Variants in OPALIN observed in about 807,000 individuals in gnomAD.
OPALIN encodes transmembrane protein 10.
In OPALIN, 15 loss-of-function variants were observed where a neutral mutation model predicts 17.8. The observed-to-expected ratio is 0.84, with a 90% CI of 0.56 to 1.29. The LOEUF (loss-of-function observed/expected upper bound fraction) is 1.29, where lower values mean the gene tolerates loss of function less well. Among genes scored for constraint, OPALIN ranks in the 50% most tolerant of loss-of-function variants. The pLI, the probability that OPALIN is intolerant of heterozygous loss-of-function variation, is 0.00. For synonymous variants in OPALIN, 62 were observed against 63.8 expected (o/e 0.97, Z 0.14); for missense variants, 170 against 176.0 (o/e 0.97, Z 0.19).
intron 1 of OPALIN, among the ~76,000 whole-genome samples, chr10:96,356,276 A>G (rs1361718389): frequency 6.6e-6 from 1 of 152,196 alleles, no homozygotes. Context: ...CCGTCTTTCC[A>G]GCATCCCAAG....
intron 1 of OPALIN, 108 bp downstream of exon 1, chr10:96,358,786 A>C (rs1358986933): frequency 2.6e-6 from 3 of 1,152,886 alleles, no homozygotes; most frequent in Non-Finnish European, 3.9e-6. Flanking sequence ...ATAGGAAAAT[A>C]ATTTAAAATA....
At chr10:96,346,257 A>G (rs1845318127) in intron 5 of OPALIN, 140 bp from the exon 6 acceptor site, 1 of 703,092 alleles carries the variant, frequency 1.4e-6, no homozygotes, top group African/African-American at 1.8e-5. Flanking sequence ...TTTTCAAGAC[A>G]CTAGACAACA....
chr10:96,358,925 G>A lies in OPALIN; in HGVS notation c.-29C>T, dbSNP rs778657175. Reference sequence around the variant, plus strand: ...TGACAGTCTCCCAGGAACCTTCTTCGTACACTGCCTTTGGTAAGCTCCTTT... The same window carrying A: ...TGACAGTCTCCCAGGAACCTTCTTCATACACTGCCTTTGGTAAGCTCCTTT... On this transcript the variant is annotated 5_prime_UTR_variant, in exon 1 of 6. The change creates a new upstream start codon in the 5' untranslated region. Transcript: ENST00000371172. 17 of 1,613,028 alleles carry A rather than the reference G, an allele frequency of 1.1e-5. No homozygotes were observed. The highest frequency in any genetic ancestry group is 9.3e-5 in the African/African-American group (7 of 74,918).
intron 3 of OPALIN, among the ~76,000 whole-genome samples, chr10:96,350,227 T>G (rs528548714): frequency 1.3e-5 from 2 of 152,352 alleles, no homozygotes; most frequent in South Asian, 4.1e-4. Context: ...CACTTTTTTT[T>G]TTGTTTGAGA....
rs1420374247 is a variant in OPALIN, at chr10:96,348,287, A to T, written c.249+2T>A. On this transcript the variant is annotated splice_donor_variant, in intron 5 of 5. Transcript: ENST00000371172. LOFTEE classifies it high-confidence loss of function. ...ATAGAGAGTATAACCAAGAGTTCTT[A>T]CCTCAGATATCTTGGGATTGTCATC... 6.6e-7 allele frequency: 1 copy of T among 1,509,408 alleles called. No individual in the cohort carries two copies. The highest frequency in any genetic ancestry group is 9.2e-7 in the Non-Finnish European group (1 of 1,088,846). The allele number at this position is 1,509,408 out of a possible 1,614,324, so 93.5% of individuals were successfully genotyped here.
At chr10:96,347,529 TG>T (rs1182148336) in intron 5 of OPALIN, among the ~76,000 whole-genome samples, 1 of 152,100 alleles carries the variant, frequency 6.6e-6, no homozygotes, top group African/African-American at 2.4e-5. Flanking sequence ...TGGAGTGCAG[TG>T]GTGCGATCTC....
intron 1 of OPALIN, chr10:96,357,259 G>T: frequency 1.6e-6 from 1 of 612,520 alleles, no homozygotes; most frequent in Non-Finnish European, 2.0e-6. Flanking sequence ...TAGAAGAGGG[G>T]GTGCAGCAAC....
rs1279090994 is a variant in OPALIN at position 96,345,706 on chromosome 10, A to T, written c.*235T>A. 1 of 408,444 alleles carries T rather than the reference A, an allele frequency of 2.4e-6. No homozygotes were observed. Among genetic ancestry groups the T allele is most frequent in the Non-Finnish European group, 4.3e-6 (1 of 231,784 alleles). 25.3% of individuals were successfully genotyped at this position (408,444 alleles called of 1,614,324 possible). On this transcript the variant is annotated 3_prime_UTR_variant, in exon 6 of 6. Transcript: ENST00000371172. ...CCCACTGGGAGCAGGAATAGGATCT[A>T]AGGACCCCATCTGGTGAGTCACATG...
At chr10:96,356,107 C>T (rs1845808407) in intron 1 of OPALIN, among the ~76,000 whole-genome samples, 2 of 152,172 alleles carry the variant, frequency 1.3e-5, no homozygotes, top group African/African-American at 4.8e-5. Flanking sequence ...CTATTTTCCC[C>T]TCTTTCCCTG....
At chr10:96,358,645 G>A (rs1309948856) in intron 1 of OPALIN, among the ~76,000 whole-genome samples, 1 of 152,190 alleles carries the variant, frequency 6.6e-6, no homozygotes, top group Non-Finnish European at 1.5e-5. Context: ...CAACTAGAAA[G>A]GGAACATAGG....
At chr10:96,354,931 A>G (rs1307166216) in intron 2 of OPALIN, among the ~76,000 whole-genome samples, 1 of 151,704 alleles carries the variant, frequency 6.6e-6, no homozygotes, top group African/African-American at 2.4e-5. Flanking sequence ...CCCTGTCTCT[A>G]CTAAAAAGTG....
rs535460528 is a variant in OPALIN, at chr10:96,349,840, A to G, written c.73-14T>C. 1.9e-5 allele frequency: 31 copies of G among 1,608,014 alleles called. No homozygotes were observed. The African/African-American group carries it at 2.3e-4, about 12-fold the overall frequency. ...GGGCCCACAGTCCTGGCACAGAATG[A>G]AAAACACAGGGTCAGAGGAAGCCCA... is the stretch of plus-strand genomic sequence containing the variant. On this transcript the variant is annotated splice_polypyrimidine_tract_variant and intron_variant, in intron 3 of 5. Transcript: ENST00000371172.
At chr10:96,358,615 G>A (rs985570809) in intron 1 of OPALIN, among the ~76,000 whole-genome samples, 36 of 152,164 alleles carry the variant, frequency 2.4e-4, no homozygotes, top group Non-Finnish European at 4.0e-4. Context: ...AGATAAAATC[G>A]TTGATTAGAT....
chr10:96,357,203 G>C, intron 1 of OPALIN: 2 of 977,204 alleles, frequency 2.0e-6, no homozygotes, highest in Non-Finnish European at 2.4e-6. Flanking sequence ...GGGCACTGAG[G>C]ACTGATGTCA....
chr10:96,357,743 G>A (rs1845875710), intron 1 of OPALIN, among the ~76,000 whole-genome samples: 1 of 152,070 alleles, frequency 6.6e-6, no homozygotes, highest in African/African-American at 2.4e-5. Flanking sequence ...TTTATGGCCT[G>A]GCCAGCACAG....
At chr10:96,356,684 A>T (rs1048826579) in intron 1 of OPALIN, among the ~76,000 whole-genome samples, 1 of 152,254 alleles carries the variant, frequency 6.6e-6, no homozygotes, top group Admixed American at 6.5e-5. Flanking sequence ...TTTGTGAACC[A>T]GAAGTGTTTT....
Position 96,344,756 on chromosome 10 carries a change from T to A in OPALIN, c.*1185A>T, listed in dbSNP as rs1589381654. ...AAAGAAGTTGTAACTTTAACAACTATCCCTAAAGCACAAAAGTTAAAGTTA... is the reference window on the plus strand; with the variant it reads ...AAAGAAGTTGTAACTTTAACAACTAACCCTAAAGCACAAAAGTTAAAGTTA... On this transcript the variant is annotated 3_prime_UTR_variant, in exon 6 of 6. Coordinates refer to ENST00000371172, the MANE Select transcript of OPALIN (RefSeq NM_033207.5). 6.6e-6 allele frequency: 1 copy of A among 152,310 alleles called. No individual in the cohort carries two copies. The highest frequency in any genetic ancestry group is 1.9e-4 in the East Asian group (1 of 5,190). The allele number at this position is 152,310 out of a possible 1,614,324, so 9.4% of individuals were successfully genotyped here.
chr10:96,345,899 C>A lies in OPALIN; in HGVS notation c.*42G>T. The A allele has an allele frequency of 6.3e-7, 1 of 1,599,004 alleles. No homozygotes were observed. Among genetic ancestry groups the A allele is most frequent in the Non-Finnish European group, 8.5e-7 (1 of 1,171,472 alleles). On this transcript the variant is annotated 3_prime_UTR_variant, in exon 6 of 6. Transcript: ENST00000371172. ...AAGTACAAAACCCTGGGTTTTCAAC[C>A]CTGTTCCAGTGCCAGGTCTGCTGCT... is the stretch of plus-strand genomic sequence containing the variant.
intron 1 of OPALIN, among the ~76,000 whole-genome samples, chr10:96,356,360 T>C (rs1006299835): frequency 2.0e-5 from 3 of 152,232 alleles, no homozygotes; most frequent in African/African-American, 7.2e-5. Context: ...AATAGGAAAG[T>C]TGTGAAACAT....
Sources: gnomAD v4.1 joint callset for allele counts (sites outside exome capture counted in the v4.1 genomes callset) on GRCh38, gnomAD v4.1.1 for gene constraint, MANE v1.5 for transcripts, NCBI Gene and HGNC (gene_info 2026-07-23, HGNC 2026-07-21) for gene names.